Variants in NELL1 observed in about 807,000 individuals in gnomAD.
NELL1 encodes the protein protein kinase C-binding protein NELL1.
Under a neutral mutation model 107.4 loss-of-function variants are expected in NELL1, and 76 were observed. The ratio of observed to expected loss-of-function variants is 0.71; its 90% CI spans 0.59 to 0.86. The LOEUF (loss-of-function observed/expected upper bound fraction) is 0.86. NELL1 is among the 40% of genes least tolerant of loss of function. The probability of loss-of-function intolerance (pLI) is 0.00; values close to 1 mark genes in which losing one functional copy is unlikely to be tolerated. For synonymous variants in NELL1, 353 were observed against 341.2 expected (o/e 1.03, Z -0.38); for missense variants, 1,024 against 1,005.5 (o/e 1.02, Z -0.25).
intron 2 of NELL1, among the ~76,000 whole-genome samples, chr11:20,748,795 T>A (rs1856062342): frequency 6.7e-6 from 1 of 150,296 alleles, no homozygotes. Flanking sequence ...ATATATAATT[T>A]TCTTTATCCA....
At chr11:21,284,798 C>T (rs1372521858) in intron 14 of NELL1, 8 of 338,818 alleles carry the variant, frequency 2.4e-5, no homozygotes, top group Non-Finnish European at 4.1e-5. Flanking sequence ...TGCTGGATTA[C>T]CTCAAACTCC....
chr11:20,984,870 C>A (rs1851820741), intron 12 of NELL1, among the ~76,000 whole-genome samples: 1 of 152,126 alleles, frequency 6.6e-6, no homozygotes, highest in African/African-American at 2.4e-5. Flanking sequence ...TTCTTAGAGT[C>A]CCCAAATAGC....
intron 14 of NELL1, among the ~76,000 whole-genome samples, chr11:21,363,862 G>C (rs979925549): frequency 8.5e-5 from 13 of 152,220 alleles, no homozygotes; most frequent in African/African-American, 2.9e-4. Flanking sequence ...GGTTAGAGAA[G>C]CATATACACT....
chr11:20,830,408 T>C (rs1465266105), intron 3 of NELL1, among the ~76,000 whole-genome samples: 2 of 150,398 alleles, frequency 1.3e-5, no homozygotes, highest in Non-Finnish European at 2.9e-5. Flanking sequence ...CTTTTTGCTC[T>C]CTCTTCTGCC....
intron 13 of NELL1, among the ~76,000 whole-genome samples, chr11:21,153,941 T>C (rs897950684): frequency 3.3e-5 from 5 of 152,172 alleles, no homozygotes; most frequent in Admixed American, 1.3e-4. Context: ...CATTGATTAA[T>C]TGAGGTTTTT....
intron 12 of NELL1, among the ~76,000 whole-genome samples, chr11:21,074,687 T>A (rs75404841): frequency 6.9e-6 from 1 of 144,546 alleles, no homozygotes; most frequent in Non-Finnish European, 1.5e-5. Context: ...GTTTTTTTTT[T>A]AAAGCAGACT....
chr11:21,148,016 C>T (rs1341949825), intron 13 of NELL1, among the ~76,000 whole-genome samples: 1 of 152,054 alleles, frequency 6.6e-6, no homozygotes, highest in African/African-American at 2.4e-5. Context: ...GGATTTATCC[C>T]TCTTGGGCCT....
At chr11:20,706,382 G>A (rs571101480) in intron 2 of NELL1, among the ~76,000 whole-genome samples, 189 of 152,084 alleles carry the variant, frequency 1.2e-3, no homozygotes, top group African/African-American at 4.3e-3. Flanking sequence ...CATGGATGAA[G>A]CTGGAAACCA....
intron 16 of NELL1, among the ~76,000 whole-genome samples, chr11:21,537,301 G>A (rs971756607): frequency 1.3e-5 from 2 of 151,996 alleles, no homozygotes; most frequent in Admixed American, 6.6e-5. Context: ...ACTTTATATG[G>A]CCTTCATGGT....
chr11:21,054,741 G>T (rs1853574616), intron 12 of NELL1, among the ~76,000 whole-genome samples: 1 of 152,022 alleles, frequency 6.6e-6, no homozygotes, highest in African/African-American at 2.4e-5. Flanking sequence ...TCTGTGAATT[G>T]CAAATTGATG....
At chr11:21,261,431 G>A (rs1848529192) in intron 14 of NELL1, among the ~76,000 whole-genome samples, 1 of 151,414 alleles carries the variant, frequency 6.6e-6, no homozygotes, top group African/African-American at 2.4e-5. Context: ...TTATTATTTA[G>A]ATGGACCTAA....
At chr11:21,018,898 G>A (rs1852632566) in intron 12 of NELL1, among the ~76,000 whole-genome samples, 1 of 152,066 alleles carries the variant, frequency 6.6e-6, no homozygotes, top group Non-Finnish European at 1.5e-5. Context: ...ATTCAGCTCT[G>A]TGTTCTACTT....
At chr11:20,721,200 G>GTA (rs1331106494) in intron 2 of NELL1, among the ~76,000 whole-genome samples, 5 of 106,070 alleles carry the variant, frequency 4.7e-5, no homozygotes, top group East Asian at 2.3e-4. Flanking sequence ...TATATATAGT[G>GTA]TATATATATA....
intron 3 of NELL1, among the ~76,000 whole-genome samples, chr11:20,838,888 T>G (rs1043494098): frequency 2.0e-5 from 3 of 152,180 alleles, no homozygotes; most frequent in Admixed American, 6.5e-5. Flanking sequence ...ATCTTAATTT[T>G]GAGTTCCTGG....
At chr11:21,014,318 A>G (rs117379310) in intron 12 of NELL1, among the ~76,000 whole-genome samples, 56 of 152,252 alleles carry the variant, frequency 3.7e-4, no homozygotes, top group Non-Finnish European at 6.9e-4. Flanking sequence ...TTCTTGGGGT[A>G]GAGCCAAGCT....
intron 12 of NELL1, among the ~76,000 whole-genome samples, chr11:21,064,450 T>C (rs1853819901): frequency 6.6e-6 from 1 of 152,156 alleles, no homozygotes; most frequent in Non-Finnish European, 1.5e-5. Context: ...TGGATATGTT[T>C]TGAAGCTAGA....
At chr11:21,083,526 G>C (rs368609707) in intron 12 of NELL1, among the ~76,000 whole-genome samples, 6 of 152,136 alleles carry the variant, frequency 3.9e-5, no homozygotes, top group Non-Finnish European at 8.8e-5. Context: ...AATACAAATT[G>C]TGATAGGATT....
chr11:21,565,198 A>G (rs1163132474), intron 17 of NELL1, among the ~76,000 whole-genome samples: 5 of 151,894 alleles, frequency 3.3e-5, no homozygotes, highest in Non-Finnish European at 7.4e-5. Flanking sequence ...TGCAAGCTGT[A>G]AGATTGTGTT....
chr11:20,913,521 AAACGT>A (rs1247051818), intron 5 of NELL1, among the ~76,000 whole-genome samples: 1 of 152,090 alleles, frequency 6.6e-6, no homozygotes, highest in African/African-American at 2.4e-5. Flanking sequence ...GCAAAATGAG[AAACGT>A]TCTAGGAATA....
Sources: allele counts gnomAD v4.1 joint callset (sites outside exome capture counted in the v4.1 genomes callset), GRCh38; gene constraint gnomAD v4.1.1; transcripts MANE v1.5; gene names NCBI Gene and HGNC (gene_info 2026-07-23, HGNC 2026-07-21).